Variants in SLC71A2 observed in about 807,000 individuals in gnomAD.
SLC71A2 encodes hippocampus abundant transcript-like 1.
chr9:94,419,221 G>A, the SLC71A2 span, among the ~76,000 whole-genome samples: 1 of 150,764 alleles, frequency 6.6e-6, no homozygotes, highest in Non-Finnish European at 1.5e-5. Flanking sequence ...TCAAGCAATT[G>A]TCCTGCTTCA....
At chr9:94,459,044 C>T in the SLC71A2 span, 5 of 1,116,220 alleles carry the variant, frequency 4.5e-6, no homozygotes, top group Non-Finnish European at 6.5e-6. Flanking sequence ...GAAACATTTG[C>T]TTATGAGAAT....
the SLC71A2 span, among the ~76,000 whole-genome samples, chr9:94,413,373 T>C: frequency 6.6e-6 from 1 of 152,220 alleles, no homozygotes; most frequent in Non-Finnish European, 1.5e-5. Flanking sequence ...GGGTGAAGGA[T>C]ATACAGGAAC....
the SLC71A2 span, among the ~76,000 whole-genome samples, chr9:94,404,512 T>C: frequency 5.3e-4 from 80 of 152,172 alleles, no homozygotes; most frequent in Middle Eastern, 3.4e-3. Flanking sequence ...GCCAGGGTGG[T>C]TTCAAATTCC....
chr9:94,450,239 T>C, the SLC71A2 span, among the ~76,000 whole-genome samples: 1 of 152,306 alleles, frequency 6.6e-6, no homozygotes, highest in African/African-American at 2.4e-5. Context: ...AACAATAATA[T>C]ATATTTACAA....
At chr9:94,459,876 T>C in the SLC71A2 span, 1 of 163,840 alleles carries the variant, frequency 6.1e-6, no homozygotes, top group Non-Finnish European at 1.3e-5. Flanking sequence ...AATCAGCCCA[T>C]AGGTGTTGAT....
chr9:94,450,902 G>A, the SLC71A2 span, among the ~76,000 whole-genome samples: 1 of 152,196 alleles, frequency 6.6e-6, no homozygotes, highest in East Asian at 1.9e-4. Context: ...TACTTTGGCT[G>A]CTTATTAGAA....
At chr9:94,455,158 TTTTTTTTTTTTTTTTTTTTTTTTGA>T in the SLC71A2 span, among the ~76,000 whole-genome samples, 1 of 94,116 alleles carries the variant, frequency 1.1e-5, no homozygotes, top group African/African-American at 5.0e-5. Flanking sequence ...GCTCTTTCCT[TTTTTTTTTTTTTTTTTTTTTTTTGA>T]GAGAGAGAGG....
chr9:94,429,869 C>A, the SLC71A2 span, among the ~76,000 whole-genome samples: 1 of 151,646 alleles, frequency 6.6e-6, no homozygotes, highest in Non-Finnish European at 1.5e-5. Context: ...CAAAAGACAT[C>A]ATTCTATTGA....
At chr9:94,389,532 G>C in the SLC71A2 span, among the ~76,000 whole-genome samples, 3 of 151,056 alleles carry the variant, frequency 2.0e-5, no homozygotes, top group Middle Eastern at 6.8e-3. Flanking sequence ...GCCCGCCTTG[G>C]CCTCCCAAAG....
the SLC71A2 span, chr9:94,429,090 T>C: frequency 6.6e-7 from 1 of 1,508,240 alleles, no homozygotes; most frequent in Non-Finnish European, 8.9e-7. Flanking sequence ...TAATTTTTCA[T>C]TGCAGGGCTC....
chr9:94,398,186 G>A, the SLC71A2 span, among the ~76,000 whole-genome samples: 2 of 150,820 alleles, frequency 1.3e-5, no homozygotes, highest in Non-Finnish European at 2.9e-5. Flanking sequence ...TCTAGCATTG[G>A]CCATTGGGAG....
chr9:94,435,056 C>T, the SLC71A2 span, among the ~76,000 whole-genome samples: 41 of 152,270 alleles, frequency 2.7e-4, no homozygotes, highest in Admixed American at 1.0e-3. Context: ...TCACCCCTGC[C>T]CCTGTATCCT....
chr9:94,420,012 G>T, the SLC71A2 span, among the ~76,000 whole-genome samples: 1 of 152,194 alleles, frequency 6.6e-6, no homozygotes, highest in Non-Finnish European at 1.5e-5. Context: ...AGCTGGAAGT[G>T]CATTCTTACT....
the SLC71A2 span, among the ~76,000 whole-genome samples, chr9:94,378,296 C>G: frequency 6.6e-6 from 1 of 151,694 alleles, no homozygotes; most frequent in Admixed American, 6.6e-5. Context: ...GCAATCAGGA[C>G]AGAAGGCGAA....
the SLC71A2 span, among the ~76,000 whole-genome samples, chr9:94,413,488 A>G: frequency 2.6e-5 from 4 of 152,118 alleles, no homozygotes; most frequent in Admixed American, 2.6e-4. Context: ...TCCTATCAGT[A>G]TTCGATTGGT....
At chr9:94,431,421 TAATA>T in the SLC71A2 span, among the ~76,000 whole-genome samples, 14 of 151,880 alleles carry the variant, frequency 9.2e-5, no homozygotes, top group African/African-American at 3.1e-4. Flanking sequence ...TGTTAAATAT[TAATA>T]AATCATATTT....
the SLC71A2 span, among the ~76,000 whole-genome samples, chr9:94,440,192 C>G: frequency 6.6e-6 from 1 of 151,636 alleles, no homozygotes; most frequent in African/African-American, 2.4e-5. Flanking sequence ...CTCTCTCTGT[C>G]GCCCAGGCTG....
At chr9:94,419,101 T>C in the SLC71A2 span, among the ~76,000 whole-genome samples, 4 of 151,980 alleles carry the variant, frequency 2.6e-5, no homozygotes, top group Admixed American at 1.3e-4. Flanking sequence ...TTAGATAATA[T>C]AGTTTTGCAA....
chr9:94,454,743 A>G, the SLC71A2 span, among the ~76,000 whole-genome samples: 1 of 152,232 alleles, frequency 6.6e-6, no homozygotes, highest in African/African-American at 2.4e-5. Flanking sequence ...GATTATGGCA[A>G]GCTTCACTAT....
Sources: gnomAD v4.1 joint callset for allele counts (sites outside exome capture counted in the v4.1 genomes callset) on GRCh38, gnomAD v4.1.1 for gene constraint, MANE v1.5 for transcripts, NCBI Gene and HGNC (gene_info 2026-07-23, HGNC 2026-07-21) for gene names.